Variants in CD47 observed in about 807,000 individuals in gnomAD.
The protein encoded by CD47 is leukocyte surface antigen CD47.
Under a neutral mutation model 44.6 loss-of-function variants are expected in CD47, and 11 were observed. The observed-to-expected ratio is 0.25, with a 90% CI of 0.16 to 0.41. The LOEUF (loss-of-function observed/expected upper bound fraction) is 0.41, where lower values mean the gene tolerates loss of function less well. Among genes scored for constraint, CD47 ranks in the 10% least tolerant of loss-of-function variants. The pLI, the probability that CD47 is intolerant of heterozygous loss-of-function variation, is 1.00. For synonymous variants in CD47, 140 were observed against 136.3 expected (o/e 1.03, Z -0.19); for missense variants, 306 against 386.7 (o/e 0.79, Z 1.75).
At chr3:108,088,672 GAA>G (rs1428558833) in intron 1 of CD47, among the ~76,000 whole-genome samples, 1 of 150,758 alleles carries the variant, frequency 6.6e-6, no homozygotes, top group Non-Finnish European at 1.5e-5. Flanking sequence ...TTCAACCACT[GAA>G]AAGACAGTTC....
chr3:108,089,017 T>C (rs2079576756), intron 1 of CD47, among the ~76,000 whole-genome samples: 1 of 152,232 alleles, frequency 6.6e-6, no homozygotes, highest in African/African-American at 2.4e-5. Context: ...ATCACTTTCT[T>C]ACTCATTCTA....
chr3:108,082,743 A>T (rs3828375), intron 1 of CD47, among the ~76,000 whole-genome samples: 1 of 152,050 alleles, frequency 6.6e-6, no homozygotes, highest in African/African-American at 2.4e-5. Context: ...ATGAATTTTC[A>T]AAGGAATACA....
Position 108,066,661 on chromosome 3 carries a change from T to C in CD47, c.490+4432A>G, listed in dbSNP as rs76456004. On this transcript the variant is annotated intron_variant, in intron 3 of 10. Coordinates refer to ENST00000361309, the MANE Select transcript of CD47 (RefSeq NM_001777.4). ...TAATGGATAAATCAAAAGAGGAAAC[T>C]AGGCAAGAAAGATGAAAGAGTAAAG... is the stretch of plus-strand genomic sequence containing the variant. 4.5e-3 allele frequency among the ~76,000 whole-genome samples: 685 copies of C among 152,284 alleles called. 2 individuals are homozygous for C. The highest frequency in any genetic ancestry group is 0.024 in the Middle Eastern group (7 of 294).
At chr3:108,069,182 A>T (rs1393225738) in intron 3 of CD47, among the ~76,000 whole-genome samples, 1 of 152,206 alleles carries the variant, frequency 6.6e-6, no homozygotes, top group African/African-American at 2.4e-5. Flanking sequence ...GAGTCTTAAA[A>T]TATCTCTGCC....
At chr3:108,062,835 T>C (rs2079038802) in intron 3 of CD47, among the ~76,000 whole-genome samples, 1 of 150,846 alleles carries the variant, frequency 6.6e-6, no homozygotes, top group Admixed American at 6.6e-5. Flanking sequence ...TTTTTTTTTT[T>C]AGTAGAGACG....
At chr3:108,078,814 A>T (rs1378381152) in intron 2 of CD47, among the ~76,000 whole-genome samples, 1 of 152,042 alleles carries the variant, frequency 6.6e-6, no homozygotes, top group East Asian at 1.9e-4. Context: ...ACTTCATAAA[A>T]TAAACATCCC....
At position 108,078,315 on chromosome 3, in the gene CD47, C is replaced by G. The variant is rs75468627; in HGVS notation, c.400+1676G>C. ...GGGTATTTTGCAAACAAAGATAAAACAGTCTTTCAATCACACGCAAAATAA... is the reference window on the plus strand; with the variant it reads ...GGGTATTTTGCAAACAAAGATAAAAGAGTCTTTCAATCACACGCAAAATAA... On this transcript the variant is annotated intron_variant, in intron 2 of 10. Coordinates refer to ENST00000361309, the MANE Select transcript of CD47 (RefSeq NM_001777.4). 4.7e-3 allele frequency among the ~76,000 whole-genome samples: 710 copies of G among 151,284 alleles called. 8 individuals are homozygous for G. Among genetic ancestry groups the G allele is most frequent in the African/African-American group, 0.016 (672 of 41,452 alleles).
chr3:108,089,198 T>C (rs1484700860), intron 1 of CD47, among the ~76,000 whole-genome samples: 1 of 152,198 alleles, frequency 6.6e-6, no homozygotes, highest in East Asian at 1.9e-4. Flanking sequence ...AACTGCATAA[T>C]GCCTGTATTT....
chr3:108,084,780 T>G (rs940675219), intron 1 of CD47, among the ~76,000 whole-genome samples: 1 of 152,064 alleles, frequency 6.6e-6, no homozygotes, highest in Admixed American at 6.6e-5. Context: ...TCCTTAGCCA[T>G]GGAGAATTCT....
At chr3:108,054,571 C>G (rs1429595204) in intron 7 of CD47, 1 of 152,146 alleles carries the variant, frequency 6.6e-6, no homozygotes, top group African/African-American at 2.4e-5. Flanking sequence ...TAACCACAAG[C>G]CTTAAGCATT....
In CD47 at chr3:108,051,917, C is replaced by G. The variant is rs763091329; in HGVS notation, c.909+22G>C. ...ATCCCTCAAATGATCATTCACAATTCATTTAATAAACTTTAACTTACCCTA... is the reference window on the plus strand; with the variant it reads ...ATCCCTCAAATGATCATTCACAATTGATTTAATAAACTTTAACTTACCCTA... On this transcript the variant is annotated intron_variant, in intron 8 of 10. Transcript: ENST00000361309. 18 of 1,497,002 alleles carry G rather than the reference C, an allele frequency of 1.2e-5. No homozygotes were observed. The South Asian group carries it at 2.0e-4, about 17-fold the overall frequency. 92.7% of individuals were successfully genotyped at this position (1,497,002 alleles called of 1,614,324 possible).
chr3:108,078,972 T>C (rs566502187), intron 2 of CD47, among the ~76,000 whole-genome samples: 9 of 152,228 alleles, frequency 5.9e-5, no homozygotes, highest in African/African-American at 9.6e-5. Context: ...CACAGGTGAA[T>C]AGTAAGTTGC....
intron 7 of CD47, chr3:108,053,680 A>T (rs1398092350): frequency 6.6e-6 from 1 of 152,124 alleles, no homozygotes; most frequent in Non-Finnish European, 1.5e-5. Flanking sequence ...ATACTGTCCC[A>T]CCCCTGTGAG....
At chr3:108,072,896 C>T (rs2108256021) in intron 2 of CD47, among the ~76,000 whole-genome samples, 1 of 152,176 alleles carries the variant, frequency 6.6e-6, no homozygotes, top group East Asian at 1.9e-4. Flanking sequence ...AATTATTAAC[C>T]CCTCCTTATA....
intron 7 of CD47, chr3:108,053,642 G>T (rs1321438806): frequency 6.6e-6 from 1 of 152,254 alleles, no homozygotes; most frequent in Non-Finnish European, 1.5e-5. Context: ...CTTTGATATG[G>T]AATGGATCCT....
chr3:108,060,976 C>T, intron 3 of CD47, 124 bp from the exon 4 acceptor site: 1 of 625,426 alleles, frequency 1.6e-6, no homozygotes, highest in Non-Finnish European at 2.8e-6. Context: ...AGGAACAACT[C>T]CTTAATATCA....
At chr3:108,074,702 T>G (rs2079273624) in intron 2 of CD47, among the ~76,000 whole-genome samples, 1 of 692 alleles carries the variant, frequency 1.4e-3, no homozygotes, top group Admixed American at 0.014. Flanking sequence ...CCCTGATATG[T>G]GGGGCGGGTG....
intron 8 of CD47, chr3:108,050,856 C>T: frequency 2.2e-6 from 1 of 452,140 alleles, no homozygotes; most frequent in South Asian, 1.8e-5. Flanking sequence ...CCCACTTCAC[C>T]ACTCTCAGCT....
intron 8 of CD47, chr3:108,051,706 A>G (rs1258098265): frequency 1.6e-5 from 10 of 625,878 alleles, no homozygotes; most frequent in Non-Finnish European, 2.8e-5. Flanking sequence ...TTTGGGTGTG[A>G]GAAGTCAGTA....
Sources: gnomAD v4.1 joint callset for allele counts (sites outside exome capture counted in the v4.1 genomes callset) on GRCh38, gnomAD v4.1.1 for gene constraint, MANE v1.5 for transcripts, NCBI Gene and HGNC (gene_info 2026-07-23, HGNC 2026-07-21) for gene names.